The following HVCN1 variants were observed in gnomAD, a reference collection of about 807,000 sequenced individuals.
HVCN1 encodes the protein voltage-gated hydrogen channel 1.
Under a neutral mutation model 29.2 loss-of-function variants are expected in HVCN1, and 14 were observed. The ratio of observed to expected loss-of-function variants is 0.48; its 90% CI spans 0.32 to 0.75. The LOEUF is 0.75. Among genes scored for constraint, HVCN1 ranks in the 30% least tolerant of loss-of-function variants. The probability of loss-of-function intolerance (pLI) is 0.04; values close to 1 mark genes in which losing one functional copy is unlikely to be tolerated. For missense variants in HVCN1, 263 were observed against 341.8 expected, an observed-to-expected ratio of 0.77 and a Z score of 1.82; for synonymous variants, 131 against 133.2, an observed-to-expected ratio of 0.98 and a Z score of 0.11.
intron 3 of HVCN1, among the ~76,000 whole-genome samples, chr12:110,663,696 G>C (rs1345588866): frequency 6.6e-6 from 1 of 151,132 alleles, no homozygotes; most frequent in Non-Finnish European, 1.5e-5. Context: ...ACACTATACA[G>C]CAGTTAAAAT....
intron 5 of HVCN1, among the ~76,000 whole-genome samples, chr12:110,654,230 T>C (rs1427280307): frequency 6.6e-6 from 1 of 151,864 alleles, no homozygotes; most frequent in Non-Finnish European, 1.5e-5. Context: ...AGCCCTGGGG[T>C]TCAAGACCCA....
intron 4 of HVCN1, among the ~76,000 whole-genome samples, chr12:110,657,399 G>A (rs1227122599): frequency 6.6e-6 from 1 of 151,948 alleles, no homozygotes; most frequent in East Asian, 1.9e-4. Context: ...GGAGGCTGAG[G>A]TAGGAGAATC....
chr12:110,677,269 CCT>C (rs1283139662), intron 3 of HVCN1, among the ~76,000 whole-genome samples: 1 of 152,032 alleles, frequency 6.6e-6, no homozygotes, highest in Admixed American at 6.6e-5. Flanking sequence ...CTCTATCTAG[CCT>C]CTGTCTGCCC....
At chr12:110,669,254 C>A (rs1025219177) in intron 3 of HVCN1, among the ~76,000 whole-genome samples, 2 of 152,150 alleles carry the variant, frequency 1.3e-5, no homozygotes, top group East Asian at 3.9e-4. Flanking sequence ...ATCGGTTTCA[C>A]TTCCTGAACC....
At chr12:110,681,873 A>G (rs1288200127) in intron 3 of HVCN1, among the ~76,000 whole-genome samples, 3 of 151,828 alleles carry the variant, frequency 2.0e-5, no homozygotes, top group African/African-American at 2.4e-5. Context: ...ATGCCCCCCA[A>G]ATCCAACAAA....
rs769510420 is a variant in HVCN1 at position 110,649,338 on chromosome 12, G to A, written c.*72C>T. On this transcript the variant is annotated 3_prime_UTR_variant, in exon 8 of 8. Transcript: ENST00000242607. ...ACCTCTCACCAAGCGGCCCAGGAGG[G>A]GCAGCTGTTCCTCTCGTGACAGCAC... is the stretch of plus-strand genomic sequence containing the variant. 34 of 1,259,348 alleles carry A rather than the reference G, an allele frequency of 2.7e-5. No individual in the cohort carries two copies. Among genetic ancestry groups the A allele is most frequent in the Non-Finnish European group, 3.8e-5 (33 of 870,096 alleles). 78.0% of individuals were successfully genotyped at this position (1,259,348 alleles called of 1,614,324 possible).
intron 3 of HVCN1, among the ~76,000 whole-genome samples, chr12:110,669,877 G>T (rs1340695021): frequency 6.6e-6 from 1 of 152,122 alleles, no homozygotes; most frequent in Non-Finnish European, 1.5e-5. Flanking sequence ...CCAACAGGGT[G>T]AAACCCCATC....
intron 3 of HVCN1, chr12:110,682,954 A>C: frequency 2.6e-6 from 1 of 377,950 alleles, no homozygotes. Context: ...ACAAGAGTGA[A>C]ACTCCATCTC....
intron 1 of HVCN1, among the ~76,000 whole-genome samples, chr12:110,702,780 G>A (rs1185804370): frequency 1.3e-5 from 2 of 151,750 alleles, no homozygotes; most frequent in African/African-American, 2.4e-5. Context: ...TCAGCCTCCC[G>A]AGTAGCTGGG....
intron 4 of HVCN1, among the ~76,000 whole-genome samples, chr12:110,660,310 T>A (rs2068125678): frequency 6.6e-6 from 1 of 152,182 alleles, no homozygotes; most frequent in South Asian, 2.1e-4. Flanking sequence ...CCACAGAAAG[T>A]TCAGTTCCCT....
At chr12:110,688,112 G>A (rs907920494) in intron 2 of HVCN1, 1 of 152,478 alleles carries the variant, frequency 6.6e-6, no homozygotes, top group African/African-American at 2.4e-5. Flanking sequence ...ACGGAGGGTG[G>A]AGGAAGCACT....
intron 3 of HVCN1, among the ~76,000 whole-genome samples, chr12:110,679,722 G>A (rs987900413): frequency 3.3e-5 from 5 of 152,164 alleles, no homozygotes; most frequent in African/African-American, 4.8e-5. Flanking sequence ...GCGCGGTGGC[G>A]GGCGCCTGTA....
At chr12:110,664,318 A>G (rs923887001) in intron 3 of HVCN1, among the ~76,000 whole-genome samples, 1 of 152,232 alleles carries the variant, frequency 6.6e-6, no homozygotes, top group Admixed American at 6.5e-5. Context: ...TTAAGCAACA[A>G]TGAATCTAGC....
chr12:110,682,945 C>T, intron 3 of HVCN1: 1 of 342,184 alleles, frequency 2.9e-6, no homozygotes, highest in Non-Finnish European at 5.3e-6. Context: ...GCCTGGGAAA[C>T]AAGAGTGAAA....
At chr12:110,694,530 C>T (rs1435325855), upstream of HVCN1, among the ~76,000 whole-genome samples, 4 of 152,238 alleles carry the variant, frequency 2.6e-5, no homozygotes, top group African/African-American at 9.6e-5. The surrounding 1 kb of genome is among the most constrained non-coding windows in gnomAD (Gnocchi z 4.6). Flanking sequence ...CAGTTATCAA[C>T]GGCTACAGTT....
intron 6 of HVCN1, 86 bp downstream of exon 6, chr12:110,651,131 C>T (rs1306724493): frequency 1.0e-6 from 1 of 958,256 alleles, no homozygotes; most frequent in Non-Finnish European, 1.6e-6. Flanking sequence ...TGAGCTCAGG[C>T]ACCCAGAGTG....
Position 110,655,237 on chromosome 12 carries a change from G to T in HVCN1, c.408C>A (p.Ala136=). ...CAGAAGAGCTGTCAACCCCTACCAT[G>T]GCAGCATAGTTATTCTTGTCGGGCT... The part of the protein sequence containing the change: ...IIQPDKNNYA[A]MVFHYMSITI... Residue 136 remains alanine, a synonymous_variant, in exon 5 of 8, where the codon GCC becomes GCA. Transcript: ENST00000242607. 6.2e-7 allele frequency: 1 copy of T among 1,611,436 alleles called. No homozygotes were observed. The highest frequency in any genetic ancestry group is 8.5e-7 in the Non-Finnish European group (1 of 1,177,762).
chr12:110,702,335 T>C (rs1033478048), exon 2 of HVCN1: 1 of 152,180 alleles, frequency 6.6e-6, no homozygotes, highest in Non-Finnish European at 1.5e-5. Flanking sequence ...AGTGGGGCCA[T>C]CTGTGACACA....
chr12:110,685,774 C>G (rs1055600703), intron 2 of HVCN1, among the ~76,000 whole-genome samples: 1 of 152,092 alleles, frequency 6.6e-6, no homozygotes, highest in Non-Finnish European at 1.5e-5. Context: ...ACTGCAGCCT[C>G]AAGATCCTGG....
Sources: gnomAD v4.1 joint callset for allele counts (sites outside exome capture counted in the v4.1 genomes callset) on GRCh38, gnomAD v4.1.1 for gene constraint, Gnocchi (gnomAD v3.1) non-coding constraint, MANE v1.5 for transcripts, NCBI Gene and HGNC (gene_info 2026-07-23, HGNC 2026-07-21) for gene names.